VWC2: variants seen among roughly 807,000 people sequenced by gnomAD.
VWC2 encodes von Willebrand factor C domain containing 2.
In VWC2, 14 loss-of-function variants were observed where a neutral mutation model predicts 29.8. The ratio of observed to expected loss-of-function variants is 0.47; its 90% CI spans 0.31 to 0.74. The LOEUF (loss-of-function observed/expected upper bound fraction) is 0.74, where lower values mean the gene tolerates loss of function less well. Ranked by LOEUF, VWC2 falls within the 30% of genes least tolerant of loss-of-function variation. VWC2 has a pLI of 0.05. For synonymous variants in VWC2, 213 were observed against 199.0 expected, an observed-to-expected ratio of 1.07 and a Z score of -0.59; for missense variants, 457 against 459.8, an observed-to-expected ratio of 0.99 and a Z score of 0.05.
chr7:49,834,172 T>G (rs912030392), intron 3 of VWC2, among the ~76,000 whole-genome samples: 1 of 152,198 alleles, frequency 6.6e-6, no homozygotes. Context: ...CTCTCTGATC[T>G]GTGCGCAGGG....
intron 3 of VWC2, among the ~76,000 whole-genome samples, chr7:49,906,657 T>C (rs906431579): frequency 1.3e-5 from 2 of 152,184 alleles, no homozygotes; most frequent in Admixed American, 1.3e-4. Context: ...ATTTAATAAA[T>C]CATACTATCA....
At chr7:49,907,595 A>G (rs1793174906) in intron 3 of VWC2, among the ~76,000 whole-genome samples, 1 of 152,190 alleles carries the variant, frequency 6.6e-6, no homozygotes, top group African/African-American at 2.4e-5. Context: ...CAGTCCCAGG[A>G]GAGTCTGAGA....
chr7:49,875,864 C>A (rs1398111787), intron 3 of VWC2, among the ~76,000 whole-genome samples: 1 of 152,070 alleles, frequency 6.6e-6, no homozygotes, highest in Non-Finnish European at 1.5e-5. Flanking sequence ...GCAAGAGAAT[C>A]CTGCTTGGTT....
At chr7:49,890,031 A>G (rs1792064970) in intron 3 of VWC2, among the ~76,000 whole-genome samples, 1 of 151,062 alleles carries the variant, frequency 6.6e-6, no homozygotes, top group African/African-American at 2.4e-5. Flanking sequence ...AAGTATCAGA[A>G]CAAAGAACAC....
intron 3 of VWC2, among the ~76,000 whole-genome samples, chr7:49,817,004 G>C (rs1020012124): frequency 6.6e-5 from 10 of 152,150 alleles, no homozygotes; most frequent in African/African-American, 2.4e-4. Flanking sequence ...CCCAAATTGA[G>C]TTTCTTAAAG....
intron 3 of VWC2, among the ~76,000 whole-genome samples, chr7:49,858,212 C>T (rs1424962374): frequency 6.6e-6 from 1 of 152,026 alleles, no homozygotes; most frequent in Non-Finnish European, 1.5e-5. Context: ...TGGGTATATA[C>T]CCAAAGGATT....
intron 3 of VWC2, among the ~76,000 whole-genome samples, chr7:49,851,338 T>C (rs1790172087): frequency 6.6e-6 from 1 of 152,210 alleles, no homozygotes; most frequent in African/African-American, 2.4e-5. Flanking sequence ...GCCTCATTCA[T>C]GGGTTCTCAG....
At chr7:49,872,841 A>G (rs1791225688) in intron 3 of VWC2, among the ~76,000 whole-genome samples, 2 of 141,292 alleles carry the variant, frequency 1.4e-5, no homozygotes, top group East Asian at 2.2e-4. Context: ...GCTTGAAACC[A>G]GGAGGCAGAG....
intron 3 of VWC2, among the ~76,000 whole-genome samples, chr7:49,842,707 C>A (rs1789826693): frequency 6.6e-6 from 1 of 152,106 alleles, no homozygotes; most frequent in Non-Finnish European, 1.5e-5. Flanking sequence ...TTGTGCAAGT[C>A]CAATATTAGT....
chr7:49,845,000 C>G (rs1789891173), intron 3 of VWC2, among the ~76,000 whole-genome samples: 1 of 152,130 alleles, frequency 6.6e-6, no homozygotes, highest in Admixed American at 6.6e-5. Context: ...CACTTTCGTC[C>G]TCATTTTTGG....
At chr7:49,822,619 A>G (rs1412028496) in intron 3 of VWC2, among the ~76,000 whole-genome samples, 1 of 152,158 alleles carries the variant, frequency 6.6e-6, no homozygotes. Context: ...TTGTATTTTT[A>G]GTAGAGACAG....
chr7:49,901,162 A>G (rs1211409485), intron 3 of VWC2: 1 of 151,912 alleles, frequency 6.6e-6, no homozygotes, highest in Admixed American at 6.5e-5. Context: ...GGAACAAAAT[A>G]AGGCTGTCTC....
chr7:49,824,007 C>A (rs1192644018), intron 3 of VWC2, among the ~76,000 whole-genome samples: 1 of 151,706 alleles, frequency 6.6e-6, no homozygotes, highest in Non-Finnish European at 1.5e-5. Context: ...TAATACAAAT[C>A]CTTCATCTAG....
chr7:49,816,500 T>G (rs557464734), intron 3 of VWC2, among the ~76,000 whole-genome samples: 101 of 152,266 alleles, frequency 6.6e-4, no homozygotes, highest in African/African-American at 2.4e-3. Context: ...CACTTCTGAT[T>G]TGGGTAATGA....
rs964453167 is a variant in VWC2, at chr7:49,917,906, A to G, written c.*5721A>G. ...TACATTGTCAAATAAATACAATTCT[A>G]TTTTCATTTCTATTAGTTTTCAGGG... On this transcript the variant is annotated 3_prime_UTR_variant, in exon 4 of 4. Coordinates refer to ENST00000340652, the MANE Select transcript of VWC2 (RefSeq NM_198570.5). 1 of 152,000 alleles carries G rather than the reference A, an allele frequency of 6.6e-6. No homozygotes were observed. Among genetic ancestry groups the G allele is most frequent in the African/African-American group, 2.4e-5 (1 of 41,386 alleles). The allele number at this position is 152,000 out of a possible 1,614,324, so 9.4% of individuals were successfully genotyped here.
intron 3 of VWC2, among the ~76,000 whole-genome samples, chr7:49,893,113 T>C (rs902422245): frequency 6.6e-6 from 1 of 152,226 alleles, no homozygotes; most frequent in South Asian, 2.1e-4. Flanking sequence ...TTCCTGAGAA[T>C]GTTGAGCATG....
At chr7:49,810,480 G>T (rs1431413518) in intron 3 of VWC2, among the ~76,000 whole-genome samples, 3 of 152,020 alleles carry the variant, frequency 2.0e-5, no homozygotes, top group African/African-American at 7.2e-5. Flanking sequence ...TATAAATTCA[G>T]TACAATTCCT....
intron 3 of VWC2, among the ~76,000 whole-genome samples, chr7:49,895,636 C>A (rs969458698): frequency 1.3e-5 from 2 of 152,136 alleles, no homozygotes; most frequent in African/African-American, 4.8e-5. Context: ...AAAATCAACA[C>A]AATGTAACAT....
chr7:49,911,085 G>A (rs1337105537), intron 3 of VWC2, among the ~76,000 whole-genome samples: 1 of 152,182 alleles, frequency 6.6e-6, no homozygotes, highest in African/African-American at 2.4e-5. Context: ...GAAGGTCTTA[G>A]TTATGCTTTT....
Sources: gnomAD v4.1 joint callset for allele counts (sites outside exome capture counted in the v4.1 genomes callset) on GRCh38, gnomAD v4.1.1 for gene constraint, MANE v1.5 for transcripts, NCBI Gene and HGNC (gene_info 2026-07-23, HGNC 2026-07-21) for gene names.